CLVS1: variants seen among roughly 807,000 people sequenced by gnomAD.
CLVS1 encodes the protein clavesin 1.
A neutral mutation model predicts 33.1 loss-of-function variants in CLVS1; 10 were observed. That is an observed-to-expected ratio of 0.30 (90% CI 0.19 to 0.51). The LOEUF (loss-of-function observed/expected upper bound fraction) is 0.51. Ranked by LOEUF, CLVS1 falls within the 20% of genes least tolerant of loss-of-function variation. CLVS1 has a pLI of 0.97. For missense variants in CLVS1, 343 were observed against 433.4 expected, an observed-to-expected ratio of 0.79 and a Z score of 1.85; for synonymous variants, 163 against 166.1, an observed-to-expected ratio of 0.98 and a Z score of 0.14.
At chr8:61,248,664 C>A (rs1331182591) in intron 2 of CLVS1, among the ~76,000 whole-genome samples, 1 of 150,712 alleles carries the variant, frequency 6.6e-6, no homozygotes, top group Non-Finnish European at 1.5e-5. Context: ...ATATATATGA[C>A]AGTATGTACA....
At chr8:61,402,283 A>G (rs1814800496) in intron 3 of CLVS1, among the ~76,000 whole-genome samples, 1 of 152,144 alleles carries the variant, frequency 6.6e-6, no homozygotes, top group South Asian at 2.1e-4. Context: ...GTCAAGCAAA[A>G]AAAAAGATGT....
intron 5 of CLVS1, among the ~76,000 whole-genome samples, chr8:61,466,082 C>T (rs1231592601): frequency 6.6e-6 from 1 of 152,194 alleles, no homozygotes; most frequent in Non-Finnish European, 1.5e-5. Flanking sequence ...CTAATTTACT[C>T]CTTGAATATG....
chr8:61,052,757 C>T (rs945404827), upstream of CLVS1, among the ~76,000 whole-genome samples: 107 of 152,098 alleles, frequency 7.0e-4, 1 homozygote, highest in Non-Finnish European at 1.2e-3. Flanking sequence ...TGAGAGTTTC[C>T]CTCTGAGTGA....
At chr8:61,442,360 G>A (rs962713211) in intron 3 of CLVS1, among the ~76,000 whole-genome samples, 3 of 152,186 alleles carry the variant, frequency 2.0e-5, no homozygotes, top group African/African-American at 7.2e-5. Context: ...GGACATGTGA[G>A]TTGTTTCCAC....
At chr8:61,273,586 C>G (rs1441886704) in intron 2 of CLVS1, among the ~76,000 whole-genome samples, 2 of 152,370 alleles carry the variant, frequency 1.3e-5, no homozygotes, top group South Asian at 2.1e-4. Context: ...GCCCCTCCCC[C>G]AGCCTTGCTG....
At chr8:61,387,993 G>A (rs2129602482) in intron 3 of CLVS1, among the ~76,000 whole-genome samples, 1 of 152,242 alleles carries the variant, frequency 6.6e-6, no homozygotes, top group Non-Finnish European at 1.5e-5. Context: ...TAGATACCGA[G>A]GAGGGGGATT....
chr8:61,153,302 A>C (rs979273804), intron 2 of CLVS1, among the ~76,000 whole-genome samples: 2 of 152,218 alleles, frequency 1.3e-5, no homozygotes, highest in Non-Finnish European at 2.9e-5. Context: ...TCAAATGCTC[A>C]AATATGGACT....
the CLVS1 span, among the ~76,000 whole-genome samples, chr8:61,016,806 A>G: frequency 7.2e-5 from 11 of 152,356 alleles, no homozygotes; most frequent in South Asian, 2.1e-3. Flanking sequence ...ACTGACAAGT[A>G]TACCAGAAGG....
the CLVS1 span, among the ~76,000 whole-genome samples, chr8:61,038,437 G>GTATATA: frequency 1.8e-4 from 26 of 142,734 alleles, no homozygotes; most frequent in African/African-American, 4.7e-4. Context: ...CCTGTCGTTT[G>GTATATA]TATATATATA....
In CLVS1 at chr8:61,458,386, C is replaced by T; in HGVS notation, c.821C>T (p.Thr274Ile). The T allele has an allele frequency of 6.2e-7, 1 of 1,614,092 alleles. No individual in the cohort carries two copies. The highest frequency in any genetic ancestry group is 1.3e-5 in the African/African-American group (1 of 75,034). ...TTTTTGCCCTCTGAATTTGGAGGAACTCTTCCTCCTTATGACATGGGAACT... is the reference window on the plus strand; with the variant it reads ...TTTTTGCCCTCTGAATTTGGAGGAATTCTTCCTCCTTATGACATGGGAACT... Reference protein sequence around the residue: ...PEFLPSEFGGTLPPYDMGTWA... With the variant: ...PEFLPSEFGGILPPYDMGTWA... The change falls in exon 5 of 6, where the codon ACT becomes ATT. Residue 274 changes from threonine (T) to isoleucine (I), a missense_variant. Coordinates refer to ENST00000325897, the MANE Select transcript of CLVS1 (RefSeq NM_173519.3).
intron 3 of CLVS1, among the ~76,000 whole-genome samples, chr8:61,405,478 A>C (rs1398662819): frequency 6.6e-6 from 1 of 152,170 alleles, no homozygotes; most frequent in Non-Finnish European, 1.5e-5. Context: ...GAATATTAAA[A>C]ATATGTGTAT....
At chr8:61,089,272 T>C (rs1004103762) in intron 1 of CLVS1, among the ~76,000 whole-genome samples, 1 of 152,246 alleles carries the variant, frequency 6.6e-6, no homozygotes, top group Non-Finnish European at 1.5e-5. Flanking sequence ...GGCAGATAGA[T>C]GGAACACTCT....
the CLVS1 span, among the ~76,000 whole-genome samples, chr8:61,044,178 G>C: frequency 6.6e-6 from 1 of 152,196 alleles, no homozygotes; most frequent in East Asian, 1.9e-4. Flanking sequence ...TATCTGGGTA[G>C]AATGGGATGT....
chr8:61,221,941 A>G (rs878884462), intron 2 of CLVS1, among the ~76,000 whole-genome samples: 3 of 152,044 alleles, frequency 2.0e-5, no homozygotes, highest in Non-Finnish European at 2.9e-5. Flanking sequence ...GAATTTATCC[A>G]TTTCTTCTAG....
chr8:61,016,360 G>A, the CLVS1 span, among the ~76,000 whole-genome samples: 5 of 152,186 alleles, frequency 3.3e-5, no homozygotes, highest in African/African-American at 1.2e-4. Context: ...GTGTCTTATG[G>A]GTCATAACAC....
intron 3 of CLVS1, among the ~76,000 whole-genome samples, chr8:61,385,010 GGGGTAGAGA>G (rs905401860): frequency 1.3e-5 from 2 of 152,084 alleles, no homozygotes; most frequent in African/African-American, 2.4e-5. Context: ...GGGTTGAAGT[GGGGTAGAGA>G]AAGGAAGATA....
chr8:61,248,919 C>T (rs1400549148), intron 2 of CLVS1, among the ~76,000 whole-genome samples: 1 of 151,836 alleles, frequency 6.6e-6, no homozygotes, highest in South Asian at 2.1e-4. Flanking sequence ...ATGAAATGCA[C>T]TTCTTTTTTT....
intron 2 of CLVS1, among the ~76,000 whole-genome samples, chr8:61,229,911 C>T (rs981733677): frequency 1.3e-5 from 2 of 152,214 alleles, no homozygotes; most frequent in Admixed American, 6.5e-5. Flanking sequence ...CAGGCCTGAG[C>T]CACCGCACCC....
chr8:61,149,201 T>TA (rs1806474627), intron 2 of CLVS1, among the ~76,000 whole-genome samples: 3 of 151,842 alleles, frequency 2.0e-5, no homozygotes, highest in South Asian at 2.1e-4. Flanking sequence ...AGTTACTTAC[T>TA]AAAAAAATAG....
Sources: allele counts gnomAD v4.1 joint callset (sites outside exome capture counted in the v4.1 genomes callset), GRCh38; gene constraint gnomAD v4.1.1; transcripts MANE v1.5; gene names NCBI Gene and HGNC (gene_info 2026-07-23, HGNC 2026-07-21).